The following AP3B2 variants were observed in gnomAD, a reference collection of about 807,000 sequenced individuals.
AP3B2 encodes adaptor related protein complex 3 subunit beta 2, also known as AP-3 complex subunit beta-2.
Under a neutral mutation model 126.9 loss-of-function variants are expected in AP3B2, and 50 were observed. That is an observed-to-expected ratio of 0.39 (90% CI 0.31 to 0.50). AP3B2 has a LOEUF of 0.50. Among genes scored for constraint, AP3B2 ranks in the 20% least tolerant of loss-of-function variants. The pLI is 0.79. For missense variants in AP3B2, 1,177 were observed against 1,426.4 expected (o/e 0.83, Z 2.82); for synonymous variants, 541 against 565.0 (o/e 0.96, Z 0.60).
intron 25 of AP3B2, among the ~76,000 whole-genome samples, chr15:82,660,247 A>AT (rs1451967024): frequency 2.0e-5 from 3 of 152,078 alleles, no homozygotes; most frequent in Non-Finnish European, 2.9e-5. Context: ...CGCTTCCTCC[A>AT]TCAGACATCT....
intron 1 of AP3B2, among the ~76,000 whole-genome samples, chr15:82,702,170 C>G (rs73443041): frequency 0.023 from 3,430 of 152,210 alleles, 113 homozygotes; most frequent in African/African-American, 0.079. Flanking sequence ...GTTAATAATT[C>G]CCTAATCTCT....
rs372449972 is a variant in AP3B2, at chr15:82,676,472, T to A, written c.1654A>T (p.Asn552Tyr). Residue 552 changes from asparagine to tyrosine, a missense_variant, in exon 14 of 27, where the codon AAC (asparagine) becomes TAC (tyrosine). Physicochemically the swap from Asn to Tyr is moderately radical, Grantham distance 143. This residue lies in a region of AP3B2 where 308 missense variants were observed against 452.4 expected (regional missense o/e 0.68). Transcript: ENST00000535359. ...CTCTTAATCTTTACCTGTTTAGAGT[T>A]GGTCAGGTAGAGCTTGGCTGCCAGG... ...INLAAKLYLT[N>Y]SKQTKLLTQY... 2 of 1,613,874 alleles carry A rather than the reference T, an allele frequency of 1.2e-6. No individual in the cohort carries two copies. The highest frequency in any genetic ancestry group is 2.7e-5 in the African/African-American group (2 of 74,924).
Position 82,680,897 on chromosome 15 carries a change from C to A in AP3B2, c.711G>T (p.Val237=), listed in dbSNP as rs760029851. 6 of 1,613,810 alleles carry A rather than the reference C, an allele frequency of 3.7e-6. No homozygotes were observed. The African/African-American group carries it at 6.7e-5, about 18-fold the overall frequency. The change falls in exon 7 of 27, where the codon GTG becomes GTT. Residue 237 remains valine (V), a synonymous_variant. Transcript: ENST00000535359. This position sits in a 1 kb window ranked among gnomAD's most constrained non-coding sequence, Gnocchi z 6.1. The part of the protein sequence containing the change: ...LLIDVEEWGQ[V]VIISMLTRYA... ...AGCGGGTGAGCATGCTGATGATGAC[C>A]ACCTGGCCCCACTCCTCCACGTCGA...
At chr15:82,688,656 C>T (rs187210451) in intron 4 of AP3B2, 80 bp downstream of exon 4, 3 of 1,336,350 alleles carry the variant, frequency 2.2e-6, no homozygotes, top group Non-Finnish European at 3.2e-6. Flanking sequence ...CTCCCATGCT[C>T]ATGGCCTCTC....
At chr15:82,661,701 T>TTC in intron 25 of AP3B2, 124 bp downstream of exon 25, 1 of 724,130 alleles carries the variant, frequency 1.4e-6, no homozygotes, top group South Asian at 1.8e-5. Flanking sequence ...TTTGGCCCGT[T>TTC]ACAGAAAGTT....
intron 1 of AP3B2, 146 bp downstream of exon 1, chr15:82,709,448 G>A (rs1463951824): frequency 2.9e-6 from 1 of 345,020 alleles, no homozygotes; most frequent in Non-Finnish European, 4.1e-6. Context: ...CGGGGCTCCA[G>A]GCCGCAGGAG....
At chr15:82,689,000 C>T in intron 3 of AP3B2, 158 bp downstream of exon 3, 3 of 1,021,642 alleles carry the variant, frequency 2.9e-6, no homozygotes, top group African/African-American at 1.6e-5. Context: ...TGATCCACAT[C>T]CAGTTCAGGG....
chr15:82,665,493 C>T lies in AP3B2; in HGVS notation c.1935G>A (p.Pro645=), dbSNP rs9806343. Residue 645 remains proline, a synonymous_variant, in exon 16 of 27, where the codon CCG becomes CCA. Coordinates refer to ENST00000535359, the MANE Select transcript of AP3B2 (RefSeq NM_001278512.2). The surrounding 1 kb of genome is among the most constrained non-coding windows in gnomAD (Gnocchi z 4.4). ...ATGYQELPDW[P]EEAPDPSVRN... is the part of the protein sequence containing the mutation. ...GCACAGATGGGTCTGGGGCTTCCTC[C>T]GGCCAGTCTGGGAGCTCCTGGTAGC... The T allele has an allele frequency of 0.037, 59,832 of 1,610,388 alleles. 1,743 individuals carry two copies. The highest frequency in any genetic ancestry group is 0.12 in the African/African-American group (8,653 of 74,622).
intron 1 of AP3B2, among the ~76,000 whole-genome samples, chr15:82,703,644 C>T (rs1309174707): frequency 3.3e-5 from 5 of 152,162 alleles, no homozygotes; most frequent in African/African-American, 9.7e-5. Flanking sequence ...TTCCATCCTA[C>T]AAGATCTAGA....
intron 1 of AP3B2, among the ~76,000 whole-genome samples, chr15:82,701,309 C>T (rs2048716481): frequency 6.6e-6 from 1 of 152,180 alleles, no homozygotes; most frequent in Admixed American, 6.5e-5. Context: ...TTCCCTTCAG[C>T]CTCTCTCCCA....
chr15:82,680,317 C>T lies in AP3B2; in HGVS notation c.1056-88G>A. On this transcript the variant is annotated intron_variant, in intron 8 of 26. Transcript: ENST00000535359. This position sits in a 1 kb window ranked among gnomAD's most constrained non-coding sequence, Gnocchi z 6.1. ...GGGGAAAAGGTGGGGCAAGTCGTTG[C>T]GGGGAGAGGACCAGTGCGGAGGGCA... 5 of 1,584,306 alleles carry T rather than the reference C, an allele frequency of 3.2e-6. No homozygotes were observed. Among genetic ancestry groups the T allele is most frequent in the Admixed American group, 1.7e-5 (1 of 57,358 alleles).
intron 1 of AP3B2, among the ~76,000 whole-genome samples, chr15:82,695,769 T>G (rs531742328): frequency 6.6e-6 from 1 of 152,208 alleles, no homozygotes. Flanking sequence ...TTATAGCCAG[T>G]TGGTCAGAAG....
At chr15:82,659,755 CTG>C (rs1348919671) in intron 26 of AP3B2, 45 bp from the exon 27 acceptor site, 1 of 1,610,862 alleles carries the variant, frequency 6.2e-7, no homozygotes, top group South Asian at 1.1e-5. Context: ...CTAAGGGTGA[CTG>C]TGTTTGGAAG....
At chr15:82,693,066 C>T (rs2048568778) in intron 1 of AP3B2, among the ~76,000 whole-genome samples, 1 of 151,896 alleles carries the variant, frequency 6.6e-6, no homozygotes, top group Non-Finnish European at 1.5e-5. Context: ...AAAACATAAA[C>T]ACCACGAGAC....
intron 23 of AP3B2, 131 bp downstream of exon 23, chr15:82,662,563 T>C: frequency 1.2e-6 from 1 of 856,004 alleles, no homozygotes; most frequent in South Asian, 1.7e-5. Flanking sequence ...AGAGTGTTGA[T>C]CATGTTAGAT....
intron 1 of AP3B2, among the ~76,000 whole-genome samples, chr15:82,707,179 AGT>A (rs1327601495): frequency 1.2e-4 from 18 of 152,356 alleles, no homozygotes; most frequent in African/African-American, 4.3e-4. Context: ...CCTGGTATTC[AGT>A]GAAACCTTCA....
chr15:82,692,235 C>T, intron 1 of AP3B2: 1 of 1,028,764 alleles, frequency 9.7e-7, no homozygotes, highest in South Asian at 1.4e-5. Flanking sequence ...GGGCACAAGG[C>T]AGTGCCCATT....
Position 82,677,357 on chromosome 15 carries a change from C to T in AP3B2, c.1405G>A (p.Val469Ile), listed in dbSNP as rs749228836. ...TGCATCTGTAGCAATTTCTTAATGA[C>T]GACCACTGACTCTGCAACCACAAGC... is the stretch of plus-strand genomic sequence containing the variant. Reference protein sequence around the residue: ...DELVVAESVVVIKKLLQMQPA... With the variant: ...DELVVAESVVIIKKLLQMQPA... Residue 469 changes from valine to isoleucine, a missense_variant, in exon 13 of 27, where the codon GTC (valine) becomes ATC (isoleucine). Physicochemically the swap from Val to Ile is conservative, Grantham distance 29 (BLOSUM62 3). Around this residue, in one of 5 missense-constraint regions of AP3B2, gnomAD observed 308 missense variants for 452.4 expected, o/e 0.68. Coordinates refer to ENST00000535359, the MANE Select transcript of AP3B2 (RefSeq NM_001278512.2). 12 of 1,613,910 alleles carry T rather than the reference C, an allele frequency of 7.4e-6. No individual in the cohort carries two copies. The highest frequency in any genetic ancestry group is 3.3e-5 in the South Asian group (3 of 91,038).
intron 1 of AP3B2, chr15:82,692,865 T>C (rs1429220256): frequency 6.6e-6 from 1 of 151,786 alleles, no homozygotes; most frequent in Non-Finnish European, 1.5e-5. Flanking sequence ...GCTGAGCCAA[T>C]ACACAGGTTT....
Sources: allele counts gnomAD v4.1 joint callset (sites outside exome capture counted in the v4.1 genomes callset), GRCh38; gene constraint gnomAD v4.1.1; regional missense constraint gnomAD v4.1.1; non-coding constraint Gnocchi (gnomAD v3.1); transcripts MANE v1.5; gene names NCBI Gene and HGNC (gene_info 2026-07-23, HGNC 2026-07-21).